The following IGBP1C variants were observed in gnomAD, a reference collection of about 807,000 sequenced individuals.
IGBP1C encodes IGBP1 family member C, also known as immunoglobulin-binding protein 1 family member C.
chr17:58,679,281 G>C, the IGBP1C span, among the ~76,000 whole-genome samples: 17 of 152,256 alleles, frequency 1.1e-4, no homozygotes, highest in Non-Finnish European at 2.1e-4. Context: ...AAAATGTGAA[G>C]GTAACACTCC....
At chr17:58,663,749 T>A in the IGBP1C span, among the ~76,000 whole-genome samples, 1 of 152,166 alleles carries the variant, frequency 6.6e-6, no homozygotes, top group East Asian at 1.9e-4. Context: ...ATTACAGGCA[T>A]GAGCCAATGT....
chr17:58,689,509 G>A, the IGBP1C span, among the ~76,000 whole-genome samples: 3 of 152,102 alleles, frequency 2.0e-5, no homozygotes, highest in Admixed American at 1.3e-4. Flanking sequence ...GTGAGCCACC[G>A]TGCCCGGCCT....
chr17:58,667,130 G>A, the IGBP1C span, among the ~76,000 whole-genome samples: 1 of 152,196 alleles, frequency 6.6e-6, no homozygotes, highest in Non-Finnish European at 1.5e-5. Flanking sequence ...GCTAACAGAC[G>A]TGAATGAACT....
At chr17:58,689,870 G>GATGGAGTCTCGCTCTGTCGCC in the IGBP1C span, among the ~76,000 whole-genome samples, 1 of 146,020 alleles carries the variant, frequency 6.8e-6, no homozygotes, top group African/African-American at 2.5e-5. Context: ...TTTTTTCTGA[G>GATGGAGTCTCGCTCTGTCGCC]ATGGAGTCTC....
chr17:58,667,053 G>A, the IGBP1C span, among the ~76,000 whole-genome samples: 1 of 152,134 alleles, frequency 6.6e-6, no homozygotes. Context: ...TGACAAAAAC[G>A]CACCACCTCA....
At chr17:58,666,322 T>C in the IGBP1C span, among the ~76,000 whole-genome samples, 1 of 151,740 alleles carries the variant, frequency 6.6e-6, no homozygotes. Flanking sequence ...CACTCCAGCC[T>C]GGAAAATAGA....
chr17:58,666,474 A>C, the IGBP1C span: 1 of 149,990 alleles, frequency 6.7e-6, no homozygotes, highest in African/African-American at 2.4e-5. Flanking sequence ...AAAAAAAAAA[A>C]AAAAAAAAAA....
the IGBP1C span, among the ~76,000 whole-genome samples, chr17:58,668,689 C>T: frequency 6.6e-6 from 1 of 152,048 alleles, no homozygotes; most frequent in Non-Finnish European, 1.5e-5. Flanking sequence ...GAGAGGACTT[C>T]TTTTTTTTAT....
At chr17:58,660,554 AG>A in the IGBP1C span, 1 of 776,218 alleles carries the variant, frequency 1.3e-6, no homozygotes, top group Non-Finnish European at 2.4e-6. Flanking sequence ...TGCACCCTGC[AG>A]TCCTGCGGTG....
chr17:58,672,257 T>C, the IGBP1C span, among the ~76,000 whole-genome samples: 1 of 152,138 alleles, frequency 6.6e-6, no homozygotes, highest in Non-Finnish European at 1.5e-5. Flanking sequence ...ACTGGTACCA[T>C]GCTCCTTCCA....
the IGBP1C span, among the ~76,000 whole-genome samples, chr17:58,684,462 CA>C: frequency 1.3e-3 from 171 of 135,782 alleles, no homozygotes; most frequent in Admixed American, 2.2e-3. Flanking sequence ...AACTCCGTCC[CA>C]AAAAAAAAAA....
At chr17:58,686,940 C>T in the IGBP1C span, among the ~76,000 whole-genome samples, 2 of 133,458 alleles carry the variant, frequency 1.5e-5, no homozygotes, top group African/African-American at 5.6e-5. Flanking sequence ...GGGGAGGGAT[C>T]TCAGCTCACA....
At chr17:58,677,119 CA>C in the IGBP1C span, among the ~76,000 whole-genome samples, 29,438 of 78,632 alleles carry the variant, frequency 0.37, 3,015 homozygotes, top group South Asian at 0.45. Context: ...AACTCCGTCT[CA>C]AAAAAAAAAA....
At chr17:58,666,552 ACGCAATCTCC>A in the IGBP1C span, 14 of 150,960 alleles carry the variant, frequency 9.3e-5, no homozygotes, top group Non-Finnish European at 1.3e-4. Context: ...GCAAGTGCGA[ACGCAATCTCC>A]CGCTACCACA....
chr17:58,676,268 C>G, the IGBP1C span, among the ~76,000 whole-genome samples: 1 of 151,984 alleles, frequency 6.6e-6, no homozygotes, highest in Non-Finnish European at 1.5e-5. Context: ...CCCAGCTACT[C>G]AGGAGGTTGA....
chr17:58,675,195 A>G, the IGBP1C span: 1 of 152,198 alleles, frequency 6.6e-6, no homozygotes, highest in Non-Finnish European at 1.5e-5. Context: ...AATATGTTCA[A>G]TATTCTTAGC....
chr17:58,665,597 T>TAAAAAAC, the IGBP1C span, among the ~76,000 whole-genome samples: 1 of 149,484 alleles, frequency 6.7e-6, no homozygotes, highest in Non-Finnish European at 1.5e-5. Flanking sequence ...CTCTGTCTCA[T>TAAAAAAC]AAAAAACAAA....
the IGBP1C span, chr17:58,666,683 C>T: frequency 6.6e-6 from 1 of 152,184 alleles, no homozygotes; most frequent in Non-Finnish European, 1.5e-5. Flanking sequence ...AGTATTTCTC[C>T]TGACAGGTAA....
At chr17:58,690,397 A>G in the IGBP1C span, among the ~76,000 whole-genome samples, 1 of 152,018 alleles carries the variant, frequency 6.6e-6, no homozygotes, top group Non-Finnish European at 1.5e-5. Flanking sequence ...AACTCCTGAG[A>G]TCAAGCGATG....
Sources: allele counts gnomAD v4.1 joint callset (sites outside exome capture counted in the v4.1 genomes callset), GRCh38; gene constraint gnomAD v4.1.1; transcripts MANE v1.5; gene names NCBI Gene and HGNC (gene_info 2026-07-23, HGNC 2026-07-21).